The following EYA1 variants were observed in gnomAD, a reference collection of about 807,000 sequenced individuals.
EYA1 encodes EYA transcriptional coactivator and phosphatase 1.
In EYA1, 16 loss-of-function variants were observed where a neutral mutation model predicts 82.0. That is an observed-to-expected ratio of 0.20 (90% CI 0.13 to 0.30). The LOEUF (loss-of-function observed/expected upper bound fraction) is 0.30, where lower values mean the gene tolerates loss of function less well. Ranked by LOEUF, EYA1 falls within the 10% of genes least tolerant of loss-of-function variation. The pLI, the probability that EYA1 is intolerant of heterozygous loss-of-function variation, is 1.00. For missense variants in EYA1, 633 were observed against 730.7 expected (o/e 0.87, Z 1.54); for synonymous variants, 261 against 264.4 (o/e 0.99, Z 0.12).
At chr8:71,322,345 T>G (rs1822668682) in intron 4 of EYA1, 77 bp from the exon 5 acceptor site, 1 of 1,262,812 alleles carries the variant, frequency 7.9e-7, no homozygotes, top group Non-Finnish European at 1.2e-6. Context: ...CACTGACATA[T>G]TTTCAACTAT....
At chr8:71,391,263 A>G (rs975083894) in intron 2 of EYA1, among the ~76,000 whole-genome samples, 8 of 152,200 alleles carry the variant, frequency 5.3e-5, no homozygotes, top group Non-Finnish European at 8.8e-5. Flanking sequence ...GATTACAGGC[A>G]TGAGCTACTG....
At chr8:71,405,931 C>T (rs1200514449) in intron 2 of EYA1, among the ~76,000 whole-genome samples, 3 of 152,136 alleles carry the variant, frequency 2.0e-5, no homozygotes, top group African/African-American at 7.2e-5. Context: ...ATCCCCTGAT[C>T]ACAGCCACAA....
At chr8:71,506,735 T>C (rs1042816665) in intron 2 of EYA1, among the ~76,000 whole-genome samples, 1 of 152,084 alleles carries the variant, frequency 6.6e-6, no homozygotes, top group Non-Finnish European at 1.5e-5. Context: ...ATGAAAGTAC[T>C]AGAGAAAAAC....
At chr8:71,535,335 T>G (rs1814630974) in intron 2 of EYA1, among the ~76,000 whole-genome samples, 1 of 152,198 alleles carries the variant, frequency 6.6e-6, no homozygotes, top group Non-Finnish European at 1.5e-5. Context: ...AAACCTATTT[T>G]GAAGACACAT....
chr8:71,437,320 C>T (rs969043537), intron 2 of EYA1, among the ~76,000 whole-genome samples: 1 of 151,622 alleles, frequency 6.6e-6, no homozygotes, highest in African/African-American at 2.4e-5. Context: ...CATTATTTAT[C>T]TTGTCTGCTG....
intron 2 of EYA1, among the ~76,000 whole-genome samples, chr8:71,393,847 T>C (rs1829425628): frequency 6.6e-6 from 1 of 152,222 alleles, no homozygotes; most frequent in African/African-American, 2.4e-5. Flanking sequence ...TTTCTAGTTC[T>C]AGATCCTTGA....
intron 9 of EYA1, among the ~76,000 whole-genome samples, chr8:71,279,960 A>G: frequency 6.6e-6 from 1 of 152,204 alleles, no homozygotes; most frequent in East Asian, 1.9e-4. Flanking sequence ...TCTCTGTTGC[A>G]ACCATTCCAC....
chr8:71,431,831 A>T (rs1321167923), intron 2 of EYA1, among the ~76,000 whole-genome samples: 1 of 152,134 alleles, frequency 6.6e-6, no homozygotes, highest in Non-Finnish European at 1.5e-5. Context: ...TACTTTGCAT[A>T]TTTCATCCAC....
At chr8:71,344,864 G>A (rs190100779) in intron 3 of EYA1, among the ~76,000 whole-genome samples, 1 of 152,276 alleles carries the variant, frequency 6.6e-6, no homozygotes, top group Non-Finnish European at 1.5e-5. Flanking sequence ...TTGCCTAAAA[G>A]GCAATCAATC....
chr8:71,364,939 CATATATATATATATATATATAT>C (rs34890892), upstream of EYA1, among the ~76,000 whole-genome samples: 787 of 88,176 alleles, frequency 8.9e-3, 21 homozygotes, highest in African/African-American at 0.034. Context: ...AAGCAAATGT[CATATATATATATATATATATAT>C]ATATATATAT....
At chr8:71,265,046 C>T (rs551012084) in intron 11 of EYA1, among the ~76,000 whole-genome samples, 23 of 152,218 alleles carry the variant, frequency 1.5e-4, no homozygotes, top group African/African-American at 4.6e-4. Context: ...AATTCAAATC[C>T]GATCCTCTTT....
chr8:71,328,294 T>C (rs947223417), intron 4 of EYA1, among the ~76,000 whole-genome samples: 1 of 152,156 alleles, frequency 6.6e-6, no homozygotes, highest in Non-Finnish European at 1.5e-5. Context: ...CATTCCAGTA[T>C]GTTGATTTTT....
intron 12 of EYA1, among the ~76,000 whole-genome samples, chr8:71,233,352 C>A (rs1034740366): frequency 6.6e-6 from 1 of 152,040 alleles, no homozygotes; most frequent in Non-Finnish European, 1.5e-5. Context: ...ATCACGAGGT[C>A]AGGAGATCGA....
At chr8:71,362,243 A>T (rs1317623997), upstream of EYA1, 3 of 964,154 alleles carry the variant, frequency 3.1e-6, no homozygotes, top group Non-Finnish European at 2.4e-6. Context: ...AAATGCAACA[A>T]TTGAAAGGAG....
chr8:71,431,785 C>T (rs1009862872), intron 2 of EYA1, among the ~76,000 whole-genome samples: 2 of 152,194 alleles, frequency 1.3e-5, no homozygotes, highest in African/African-American at 4.8e-5. Flanking sequence ...TAAAGTCACT[C>T]TATACATTGG....
chr8:71,282,443 C>G (rs974673765), intron 9 of EYA1, among the ~76,000 whole-genome samples: 1 of 152,210 alleles, frequency 6.6e-6, no homozygotes, highest in Non-Finnish European at 1.5e-5. Context: ...GCTATTTTCT[C>G]TAATGTTCCT....
chr8:71,500,762 C>T (rs1811753599), intron 2 of EYA1, among the ~76,000 whole-genome samples: 2 of 152,254 alleles, frequency 1.3e-5, no homozygotes, highest in Non-Finnish European at 1.5e-5. Flanking sequence ...TTTATGCACA[C>T]ACACACATAC....
At chr8:71,211,304 A>G in intron 16 of EYA1, 48 bp from the exon 17 acceptor site, 1 of 1,225,022 alleles carries the variant, frequency 8.2e-7, no homozygotes, top group Non-Finnish European at 1.2e-6. Flanking sequence ...TGGGTAACCT[A>G]ATGTGACAGT....
chr8:71,524,323 A>G (rs147287341), intron 2 of EYA1, among the ~76,000 whole-genome samples: 110 of 152,344 alleles, frequency 7.2e-4, no homozygotes, highest in African/African-American at 2.6e-3. Context: ...CAGTGTGAGC[A>G]CTGAGAATGA....
Sources: allele counts gnomAD v4.1 joint callset (sites outside exome capture counted in the v4.1 genomes callset), GRCh38; gene constraint gnomAD v4.1.1; transcripts MANE v1.5; gene names NCBI Gene and HGNC (gene_info 2026-07-23, HGNC 2026-07-21).